The following MED6 variants were observed in gnomAD, a reference collection of about 807,000 sequenced individuals.
The protein encoded by MED6 is mediator of RNA polymerase II transcription subunit 6.
MED6 carries 33 observed loss-of-function variants against 37.5 expected under a neutral mutation model. The observed-to-expected ratio is 0.88, with a 90% CI of 0.67 to 1.18. MED6 has a LOEUF of 1.18. MED6 is among the 50% of genes most tolerant of loss of function. The pLI is 0.00. For missense variants in MED6, 235 were observed against 290.6 expected (o/e 0.81, Z 1.39); for synonymous variants, 94 against 93.6 (o/e 1.00, Z -0.02).
At chr14:70,593,484 T>C in intron 3 of MED6, 106 bp from the exon 4 acceptor site, 1 of 830,840 alleles carries the variant, frequency 1.2e-6, no homozygotes, top group Middle Eastern at 2.9e-4. Flanking sequence ...TAAGGCAGGG[T>C]TTAGCAATTA....
At chr14:70,584,983 G>T in intron 7 of MED6, 40 bp from the exon 8 acceptor site, 1 of 1,598,178 alleles carries the variant, frequency 6.3e-7, no homozygotes, top group Non-Finnish European at 8.5e-7. Flanking sequence ...GGAGATATGG[G>T]TGGGGGGAAT....
At position 70,584,922 on chromosome 14, in the gene MED6, G is replaced by A. The variant is rs577478149; in HGVS notation, c.632C>T (p.Ala211Val). The A allele has an allele frequency of 6.8e-6, 11 of 1,613,840 alleles. No individual in the cohort carries two copies. Among genetic ancestry groups the A allele is most frequent in the South Asian group, 6.6e-5 (6 of 91,062 alleles). ...TTTTACAGTTTCTGGTATAGGTTCT[G>A]CCTCTTTCTTTGTTTGATCCACTAG... ...PVPVDQTKKE[A>V]EPIPETVKPE... Residue 211 changes from alanine to valine, a missense_variant, in exon 8 of 8, where the codon GCA (alanine) becomes GTA (valine). Ala to Val is a moderately conservative substitution (Grantham distance 64, BLOSUM62 0). Coordinates refer to ENST00000256379, the MANE Select transcript of MED6 (RefSeq NM_005466.4).
rs1259550734 is a variant in MED6 at position 70,584,386 on chromosome 14, C to T, written c.*427G>A. ...CATGATGGGAATAATATCTTTTCTT[C>T]TTTTTTGAGACAAAGTCTCGCTCTG... On this transcript the variant is annotated 3_prime_UTR_variant, in exon 8 of 8. Transcript: ENST00000256379. 1 of 419,654 alleles carries T rather than the reference C, an allele frequency of 2.4e-6. No individual in the cohort carries two copies. The highest frequency in any genetic ancestry group is 4.2e-6 in the Non-Finnish European group (1 of 235,868). 26.0% of individuals were successfully genotyped at this position (419,654 alleles called of 1,614,324 possible). A position where few individuals can be genotyped will look rare whatever the true frequency, so the allele number is the denominator to read the frequency against.
chr14:70,589,746 T>C (rs1884816715), intron 6 of MED6, among the ~76,000 whole-genome samples: 1 of 152,210 alleles, frequency 6.6e-6, no homozygotes. Flanking sequence ...CCTTCTCAAC[T>C]GACCTTAATC....
intron 4 of MED6, 146 bp downstream of exon 4, chr14:70,593,150 C>A: frequency 1.6e-6 from 2 of 1,241,470 alleles, no homozygotes; most frequent in Admixed American, 2.2e-5. Context: ...ACCGACTTGG[C>A]TCACAGTAAC....
In MED6 at chr14:70,583,364, A is replaced by T. The variant is rs1250919980; in HGVS notation, c.*1449T>A. On this transcript the variant is annotated 3_prime_UTR_variant, in exon 8 of 8. Coordinates refer to ENST00000256379, the MANE Select transcript of MED6 (RefSeq NM_005466.4). ...CTTCAACTACTTTAAATACTAAAAT[A>T]CCACTTTTGCTACTTAACACTAAAA... The T allele has an allele frequency of 1.3e-5, 2 of 152,236 alleles. No homozygotes were observed. Among genetic ancestry groups the T allele is most frequent in the Non-Finnish European group, 2.9e-5 (2 of 68,042 alleles). The allele number at this position is 152,236 out of a possible 1,614,324, so 9.4% of individuals were successfully genotyped here. A position where few individuals can be genotyped will look rare whatever the true frequency, so the allele number is the denominator to read the frequency against.
rs1029620478 is a variant in MED6, at chr14:70,584,627, T to C, written c.*186A>G. On this transcript the variant is annotated 3_prime_UTR_variant, in exon 8 of 8. Coordinates refer to ENST00000256379, the MANE Select transcript of MED6 (RefSeq NM_005466.4). ...CTGACCTCAAGTGATCCACCCGCCA[T>C]GGCCTCCCAAAGTGCTGGGATTACA... is the stretch of plus-strand genomic sequence containing the variant. The C allele has an allele frequency of 4.8e-6, 3 of 630,692 alleles. No homozygotes were observed. Among genetic ancestry groups the C allele is most frequent in the Non-Finnish European group, 5.0e-6 (2 of 397,144 alleles). The allele number at this position is 630,692 out of a possible 1,614,324, so 39.1% of individuals were successfully genotyped here. A position where few individuals can be genotyped will look rare whatever the true frequency, so the allele number is the denominator to read the frequency against.
intron 1 of MED6, among the ~76,000 whole-genome samples, chr14:70,600,004 A>C (rs1885158371): frequency 6.6e-6 from 1 of 152,162 alleles, no homozygotes; most frequent in Non-Finnish European, 1.5e-5. Flanking sequence ...CATGCTCCCC[A>C]AGATCAAGCA....
chr14:70,595,302 T>C (rs1885010464), intron 3 of MED6: 4 of 546,248 alleles, frequency 7.3e-6, no homozygotes, highest in South Asian at 6.0e-5. Flanking sequence ...GACATCCTAA[T>C]ACGAAGAGCT....
intron 5 of MED6, 165 bp from the exon 6 acceptor site, chr14:70,591,546 G>C: frequency 1.8e-6 from 1 of 552,104 alleles, no homozygotes; most frequent in Admixed American, 3.7e-5. Flanking sequence ...ATATACAGAA[G>C]TGTTGTTAAC....
intron 1 of MED6, among the ~76,000 whole-genome samples, chr14:70,598,471 T>C (rs1165515899): frequency 6.6e-6 from 1 of 151,384 alleles, no homozygotes; most frequent in Non-Finnish European, 1.5e-5. Context: ...CGAGACTCCG[T>C]CTCAAAAAAA....
chr14:70,596,509 A>AC (rs560639725), intron 3 of MED6, 102 bp downstream of exon 3: 17 of 798,788 alleles, frequency 2.1e-5, no homozygotes, highest in African/African-American at 2.1e-4. Context: ...GGTCTTGGAG[A>AC]CCCCCCAAAC....
intron 1 of MED6, 142 bp downstream of exon 1, chr14:70,600,474 C>A: frequency 1.3e-6 from 1 of 746,098 alleles, no homozygotes; most frequent in Non-Finnish European, 2.0e-6. Flanking sequence ...TTCGCTAGAT[C>A]ACAGCCTTGG....
At chr14:70,597,823 G>C (rs1248354146) in intron 1 of MED6, 46 bp from the exon 2 acceptor site, 2 of 1,463,966 alleles carry the variant, frequency 1.4e-6, no homozygotes, top group Non-Finnish European at 1.8e-6. Flanking sequence ...AAAATAGAAA[G>C]AATCCAATCC....
Position 70,586,789 on chromosome 14 carries a change from T to A in MED6, c.583-1006A>T, listed in dbSNP as rs966775655. ...TCCAACTGCAAGTCCTGGGAATCTT[T>A]ACACTTAACAAGACCAAAACTGAGC... On this transcript the variant is annotated intron_variant, in intron 6 of 7. Coordinates refer to ENST00000256379, the MANE Select transcript of MED6 (RefSeq NM_005466.4). Among the ~76,000 whole-genome samples, 40 of 152,326 alleles carry A rather than the reference T, an allele frequency of 2.6e-4. 1 individual carries two copies. The highest frequency in any genetic ancestry group is 1.6e-3 in the Admixed American group (25 of 15,296).
rs536854612 is a variant in MED6, at chr14:70,596,975, C to T, written c.183-273G>A. Among the ~76,000 whole-genome samples, 9 of 152,214 alleles carry T rather than the reference C, an allele frequency of 5.9e-5. No individual in the cohort carries two copies. In the South Asian group the frequency reaches 1.9e-3, roughly 32 times the overall value. ...AGTATTTTCAGTCAGGAAAGTACAC[C>T]AAAGAGTGTCCGTTTCAAAAAGGCA... is the stretch of plus-strand genomic sequence containing the variant. On this transcript the variant is annotated intron_variant, in intron 2 of 7. Transcript: ENST00000256379.
rs562734676 is a variant in MED6 at position 70,600,472 on chromosome 14, A to G, written c.22+144T>C. 1.1e-3 allele frequency: 854 copies of G among 745,680 alleles called. 11 individuals carry two copies. Among genetic ancestry groups the G allele is most frequent in the Non-Finnish European group, 7.6e-5 (37 of 487,020 alleles). The allele number at this position is 745,680 out of a possible 1,614,324, so 46.2% of individuals were successfully genotyped here. ...AAAAAACTCGTCAACGTTTCGCTAGATCACAGCCTTGGGTTGTCCACAAAA... is the reference window on the plus strand; with the variant it reads ...AAAAAACTCGTCAACGTTTCGCTAGGTCACAGCCTTGGGTTGTCCACAAAA... On this transcript the variant is annotated intron_variant, in intron 1 of 7. Coordinates refer to ENST00000256379, the MANE Select transcript of MED6 (RefSeq NM_005466.4).
Position 70,592,967 on chromosome 14 carries a change from G to C in MED6, c.379C>G (p.Gln127Glu). 2 of 1,613,732 alleles carry C rather than the reference G, an allele frequency of 1.2e-6. No individual in the cohort carries two copies. The change falls in exon 5 of 8, where the codon CAG becomes GAG. Residue 127 changes from glutamine to glutamate, a missense_variant. By Grantham distance (29) the Gln-to-Glu change is conservative. Transcript: ENST00000256379. ...SRVLTAVHGI[Q>E]SAFDEAMSYC... ...GACATAGCTTCATCAAAAGCTGACT[G>C]AATACCATGCACTGCAGTAAGCTTG...
chr14:70,600,526 C>A, intron 1 of MED6, 90 bp downstream of exon 1: 5 of 1,457,228 alleles, frequency 3.4e-6, no homozygotes, highest in Non-Finnish European at 4.8e-6. Context: ...AGACTTCACA[C>A]AAAGGAACCT....
Sources: allele counts gnomAD v4.1 joint callset (sites outside exome capture counted in the v4.1 genomes callset), GRCh38; gene constraint gnomAD v4.1.1; transcripts MANE v1.5; gene names NCBI Gene and HGNC (gene_info 2026-07-23, HGNC 2026-07-21).